Variants in PEAK1 observed in about 807,000 individuals in gnomAD.
The protein encoded by PEAK1 is pseudopodium enriched atypical kinase 1, also known as inactive tyrosine-protein kinase PEAK1.
Under a neutral mutation model 124.7 loss-of-function variants are expected in PEAK1, and 54 were observed. The observed-to-expected ratio is 0.43, with a 90% confidence interval of 0.35 to 0.54. The LOEUF is 0.54. Among genes scored for constraint, PEAK1 ranks in the 20% least tolerant of loss-of-function variants. PEAK1 has a pLI of 0.01. For missense variants in PEAK1, 2,046 were observed against 2,134.5 expected (o/e 0.96, Z 0.82); for synonymous variants, 719 against 760.0 (o/e 0.95, Z 0.89).
Position 77,355,041 on chromosome 15 carries a change from T to TA in PEAK1, c.-603+10121dup, listed in dbSNP as rs552594542. On this transcript the variant is annotated intron_variant, in intron 2 of 9. Coordinates refer to ENST00000682557, the MANE Select transcript of PEAK1 (RefSeq NM_001385026.1). ...GCGACAGAGCGAGACTCCATCTCAA[T>TA]AAAAAAAAAAAAAACCACTTAACTC... Among the ~76,000 whole-genome samples the TA allele has an allele frequency of 7.7e-3, 903 of 116,634 alleles. 6 individuals carry two copies. The highest frequency in any genetic ancestry group is 0.04 in the East Asian group (160 of 4,042). The allele number at this position is 116,634 out of a possible 152,430, so 76.5% of individuals were successfully genotyped here.
chr15:77,145,229 G>C (rs1272058496), intron 8 of PEAK1, among the ~76,000 whole-genome samples: 2 of 152,122 alleles, frequency 1.3e-5, no homozygotes, highest in Non-Finnish European at 2.9e-5. Context: ...TGGGTGGATC[G>C]CCTGAGCTCA....
At chr15:77,292,814 T>C (rs2063292161) in intron 2 of PEAK1, among the ~76,000 whole-genome samples, 1 of 152,184 alleles carries the variant, frequency 6.6e-6, no homozygotes. Flanking sequence ...AATACTTACA[T>C]ATATATAGTC....
At chr15:77,154,975 C>T (rs2054994356) in intron 8 of PEAK1, among the ~76,000 whole-genome samples, 1 of 152,110 alleles carries the variant, frequency 6.6e-6, no homozygotes, top group South Asian at 2.1e-4. Flanking sequence ...TGGAGTTGCT[C>T]TTCTCGAGGA....
At position 77,124,223 on chromosome 15, in the gene PEAK1, C is replaced by T. The variant is rs79373539; in HGVS notation, c.4077+8782G>A. The stretch of plus-strand genomic sequence containing the variant: ...TTTGCTACAGATTTTCCAATTGCTC[C>T]TGCTTTGGGTCACTTAGATGTGTGG... On this transcript the variant is annotated intron_variant, in intron 9 of 9. Coordinates refer to ENST00000682557, the MANE Select transcript of PEAK1 (RefSeq NM_001385026.1). Among the ~76,000 whole-genome samples, 1,200 of 152,352 alleles carry T rather than the reference C, an allele frequency of 7.9e-3. 15 individuals are homozygous for T. Among genetic ancestry groups the T allele is most frequent in the African/African-American group, 0.028 (1,145 of 41,578 alleles).
intron 2 of PEAK1, chr15:77,334,596 T>C (rs1048068351): frequency 1.0e-4 from 103 of 985,272 alleles, no homozygotes; most frequent in South Asian, 6.6e-4. Context: ...GTCTCTAGCA[T>C]AAATGCCTAC....
At chr15:77,319,877 T>C (rs889794237) in intron 2 of PEAK1, among the ~76,000 whole-genome samples, 1 of 152,224 alleles carries the variant, frequency 6.6e-6, no homozygotes, top group African/African-American at 2.4e-5. Flanking sequence ...ACTCTTTGTT[T>C]ACTTTCTTCA....
intron 1 of PEAK1, among the ~76,000 whole-genome samples, chr15:77,389,396 C>T (rs1236328744): frequency 6.6e-6 from 1 of 152,100 alleles, no homozygotes; most frequent in Non-Finnish European, 1.5e-5. Context: ...AGGTGTGCAA[C>T]CTTAGGCAAA....
chr15:77,404,123 T>C, intron 1 of PEAK1: 1 of 985,112 alleles, frequency 1.0e-6, no homozygotes, highest in Non-Finnish European at 1.2e-6. Flanking sequence ...AACTACAAAT[T>C]TAACACTTGT....
At position 77,180,497 on chromosome 15, in the gene PEAK1, A is replaced by G; in HGVS notation, c.1430T>C (p.Val477Ala). Residue 477 changes from valine to alanine, a missense_variant, in exon 7 of 10, where the codon GTC (valine) becomes GCC (alanine). Transcript: ENST00000682557. ...GGCCATGGCTGCTGACACATCCACG[A>G]CAGTATATGGCTTGCACAATGGCTG... ...LEQPLCKPYT[V>A]VDVSAAMASE... is the part of the protein sequence containing the mutation. 8 of 1,614,082 alleles carry G rather than the reference A, an allele frequency of 5.0e-6. No individual in the cohort carries two copies. Among genetic ancestry groups the G allele is most frequent in the Non-Finnish European group, 6.8e-6 (8 of 1,180,002 alleles).
In PEAK1 at chr15:77,236,943, C is replaced by T. The variant is rs542456738; in HGVS notation, c.-115+15424G>A. Among the ~76,000 whole-genome samples, 192 of 152,290 alleles carry T rather than the reference C, an allele frequency of 1.3e-3. 2 individuals are homozygous for T. Among genetic ancestry groups the T allele is most frequent in the African/African-American group, 4.4e-3 (181 of 41,554 alleles). ...TGAAGAAGGTGCTTTGCTTCCCCTT[C>T]GCCTTCTGCCATAATTGTTAAGTTT... On this transcript the variant is annotated intron_variant, in intron 6 of 9. Coordinates refer to ENST00000682557, the MANE Select transcript of PEAK1 (RefSeq NM_001385026.1).
intron 6 of PEAK1, among the ~76,000 whole-genome samples, chr15:77,249,392 T>C (rs1451157299): frequency 6.6e-6 from 1 of 152,232 alleles, no homozygotes; most frequent in Non-Finnish European, 1.5e-5. Flanking sequence ...ATAGCTAGAA[T>C]GTTACTCTTT....
intron 7 of PEAK1, among the ~76,000 whole-genome samples, chr15:77,158,964 G>A (rs1174267124): frequency 6.6e-6 from 1 of 152,170 alleles, no homozygotes; most frequent in Non-Finnish European, 1.5e-5. Context: ...TTTTATTTAG[G>A]TGGGAGGTGG....
At chr15:77,418,603 C>A (rs1487593048) in intron 1 of PEAK1, 16 of 984,882 alleles carry the variant, frequency 1.6e-5, no homozygotes, top group Non-Finnish European at 1.8e-5. Context: ...AATAAGTCAC[C>A]AAAGAGAAGT....
intron 2 of PEAK1, among the ~76,000 whole-genome samples, chr15:77,305,946 T>A (rs534817250): frequency 7.2e-5 from 11 of 152,300 alleles, no homozygotes; most frequent in African/African-American, 2.6e-4. Context: ...CCCACGGACA[T>A]GTAAGGCTGA....
intron 2 of PEAK1, among the ~76,000 whole-genome samples, chr15:77,288,886 GCCACTGCACT>G (rs1410670476): frequency 6.9e-6 from 1 of 144,312 alleles, no homozygotes; most frequent in Non-Finnish European, 1.5e-5. Flanking sequence ...CCGAGATAGT[GCCACTGCACT>G]CCAGCATGGG....
chr15:77,153,331 T>C (rs1014604471), intron 8 of PEAK1, among the ~76,000 whole-genome samples: 1 of 152,230 alleles, frequency 6.6e-6, no homozygotes, highest in Non-Finnish European at 1.5e-5. Flanking sequence ...GGATCGGTGG[T>C]GATATCCCCT....
chr15:77,121,579 A>G (rs1304536116), intron 9 of PEAK1, among the ~76,000 whole-genome samples: 1 of 152,170 alleles, frequency 6.6e-6, no homozygotes, highest in Admixed American at 6.5e-5. Context: ...CTGATTTTGT[A>G]CTGCACAAAA....
chr15:77,255,272 A>G, intron 5 of PEAK1: 1 of 737,358 alleles, frequency 1.4e-6, no homozygotes, highest in Non-Finnish European at 1.7e-6. Context: ...CTGTGTAATA[A>G]CAACAATGAA....
At chr15:77,383,993 TCAAAAGATTAAA>T (rs1342073514) in intron 1 of PEAK1, among the ~76,000 whole-genome samples, 2 of 152,152 alleles carry the variant, frequency 1.3e-5, no homozygotes, top group Non-Finnish European at 2.9e-5. Flanking sequence ...TCAACTTGAA[TCAAAAGATTAAA>T]CTCTAACAAA....
Sources: allele counts gnomAD v4.1 joint callset (sites outside exome capture counted in the v4.1 genomes callset), GRCh38; gene constraint gnomAD v4.1.1; transcripts MANE v1.5; gene names NCBI Gene and HGNC (gene_info 2026-07-23, HGNC 2026-07-21).